Variants in DCDC1 observed in about 807,000 individuals in gnomAD.
DCDC1 encodes the protein doublecortin domain-containing protein 1.
DCDC1 carries 200 observed loss-of-function variants against 178.3 expected under a neutral mutation model. That is an observed-to-expected ratio of 1.12 (90% CI 1.00 to 1.26). The LOEUF (loss-of-function observed/expected upper bound fraction) is 1.26, where lower values mean the gene tolerates loss of function less well. Ranked by LOEUF, DCDC1 falls within the 50% of genes most tolerant of loss-of-function variation. The pLI is 0.00. For synonymous variants in DCDC1, 690 were observed against 604.8 expected, an observed-to-expected ratio of 1.14 and a Z score of -2.07; for missense variants, 1,983 against 1,749.2, an observed-to-expected ratio of 1.13 and a Z score of -2.38.
intron 23 of DCDC1, among the ~76,000 whole-genome samples, chr11:30,923,819 G>T (rs2134261747): frequency 6.6e-6 from 1 of 152,032 alleles, no homozygotes; most frequent in Admixed American, 6.6e-5. Context: ...GTTTCGCCAC[G>T]TTGCTCAGGG....
chr11:30,994,419 G>A (rs1195898213), intron 20 of DCDC1, among the ~76,000 whole-genome samples: 1 of 151,380 alleles, frequency 6.6e-6, no homozygotes, highest in Non-Finnish European at 1.5e-5. Context: ...AGCCTCCCAA[G>A]TAGTTGAAAC....
At chr11:31,175,138 T>C (rs1967813517) in intron 9 of DCDC1, among the ~76,000 whole-genome samples, 1 of 152,212 alleles carries the variant, frequency 6.6e-6, no homozygotes, top group Non-Finnish European at 1.5e-5. Context: ...CACAGTGGTG[T>C]CTGGCATCTC....
At chr11:31,166,285 A>G (rs190554698) in intron 9 of DCDC1, among the ~76,000 whole-genome samples, 12 of 152,296 alleles carry the variant, frequency 7.9e-5, no homozygotes, top group African/African-American at 2.9e-4. Flanking sequence ...TGAAATTGTA[A>G]GGAAAGCTAT....
At chr11:31,366,717 T>G (rs1232342717) in intron 1 of DCDC1, among the ~76,000 whole-genome samples, 1 of 152,194 alleles carries the variant, frequency 6.6e-6, no homozygotes, top group Non-Finnish European at 1.5e-5. Context: ...AGACAATGAT[T>G]ATTGTCAAAG....
At chr11:31,206,447 A>G (rs1391866944) in intron 9 of DCDC1, among the ~76,000 whole-genome samples, 2 of 152,068 alleles carry the variant, frequency 1.3e-5, no homozygotes, top group African/African-American at 4.8e-5. Context: ...GGAGTCTCGC[A>G]CTGTTGCCCA....
At chr11:30,882,785 A>C (rs1942804967) in intron 36 of DCDC1, 1 of 152,212 alleles carries the variant, frequency 6.6e-6, no homozygotes, top group South Asian at 2.1e-4. Flanking sequence ...ACAACATAAA[A>C]AAAGGGTACA....
chr11:31,181,184 GAC>G (rs1203444258), intron 9 of DCDC1, among the ~76,000 whole-genome samples: 1 of 152,190 alleles, frequency 6.6e-6, no homozygotes, highest in African/African-American at 2.4e-5. Context: ...CTCTGGGCAG[GAC>G]ATATCTGAAA....
chr11:31,321,515 G>C (rs1482918032), intron 3 of DCDC1, among the ~76,000 whole-genome samples: 2 of 152,220 alleles, frequency 1.3e-5, no homozygotes, highest in South Asian at 2.1e-4. Flanking sequence ...GCTTCGGCTC[G>C]CGCACGGTGC....
chr11:31,237,747 G>C (rs985231361), intron 9 of DCDC1, among the ~76,000 whole-genome samples: 13 of 152,054 alleles, frequency 8.5e-5, no homozygotes, highest in African/African-American at 2.9e-4. Context: ...AAATATTGGA[G>C]AATACTTTGG....
intron 10 of DCDC1, 56 bp from the exon 11 acceptor site, chr11:31,127,695 C>T: frequency 1.5e-6 from 1 of 673,316 alleles, no homozygotes; most frequent in Non-Finnish European, 2.7e-6. Flanking sequence ...GATGTCACAC[C>T]TATTAGATTT....
chr11:31,165,342 T>C (rs77378903), intron 9 of DCDC1, among the ~76,000 whole-genome samples: 1 of 152,198 alleles, frequency 6.6e-6, no homozygotes. Flanking sequence ...CTTTTTTTTT[T>C]CTTAAAGAGA....
At chr11:30,876,253 C>T (rs1435324254) in intron 38 of DCDC1, among the ~76,000 whole-genome samples, 3 of 152,142 alleles carry the variant, frequency 2.0e-5, no homozygotes, top group African/African-American at 4.8e-5. Flanking sequence ...ATTTGATAAA[C>T]ATGTTCCCAA....
chr11:31,035,388 T>C (rs1242284999), intron 20 of DCDC1, among the ~76,000 whole-genome samples: 1 of 152,238 alleles, frequency 6.6e-6, no homozygotes, highest in Non-Finnish European at 1.5e-5. Context: ...CACGTCTCCT[T>C]AGTCTCCTCT....
rs1308213058 is a variant in DCDC1 at position 30,909,182 on chromosome 11, A to C, written c.3748-66T>G. 2.2e-6 allele frequency: 3 copies of C among 1,382,502 alleles called. No individual in the cohort carries two copies. The Admixed American group carries it at 6.8e-5, about 31-fold the overall frequency. 85.6% of individuals were successfully genotyped at this position (1,382,502 alleles called of 1,614,324 possible). ...TGAGGGTTATAGTGTCTTGTTTTTC[A>C]TTGCATATATCCAGAAAGTGCAGAT... On this transcript the variant is annotated intron_variant, in intron 28 of 38. Transcript: ENST00000684477.
intron 20 of DCDC1, among the ~76,000 whole-genome samples, chr11:31,009,888 C>T (rs1429264237): frequency 6.6e-6 from 1 of 152,162 alleles, no homozygotes; most frequent in Non-Finnish European, 1.5e-5. Flanking sequence ...GCACCTTCTT[C>T]ACAAGGCGGC....
At chr11:31,206,064 T>C (rs1251606431) in intron 9 of DCDC1, among the ~76,000 whole-genome samples, 1 of 152,196 alleles carries the variant, frequency 6.6e-6, no homozygotes, top group Non-Finnish European at 1.5e-5. Context: ...GAGTTTTAGA[T>C]GACTTTAACA....
At chr11:31,152,785 CA>C (rs1965305617) in intron 9 of DCDC1, among the ~76,000 whole-genome samples, 1 of 152,180 alleles carries the variant, frequency 6.6e-6, no homozygotes, top group Non-Finnish European at 1.5e-5. Context: ...TGAGAGACAA[CA>C]ATCATGGCAA....
At chr11:31,223,854 C>T (rs1974577807) in intron 9 of DCDC1, among the ~76,000 whole-genome samples, 1 of 152,004 alleles carries the variant, frequency 6.6e-6, no homozygotes, top group African/African-American at 2.4e-5. Context: ...TACACATATG[C>T]ATATATACAT....
At chr11:31,292,700 C>T (rs752281804) in intron 6 of DCDC1, among the ~76,000 whole-genome samples, 1 of 151,988 alleles carries the variant, frequency 6.6e-6, no homozygotes, top group African/African-American at 2.4e-5. Flanking sequence ...ATGTTAGTTA[C>T]ACAACAGTGT....
Sources: gnomAD v4.1 joint callset for allele counts (sites outside exome capture counted in the v4.1 genomes callset) on GRCh38, gnomAD v4.1.1 for gene constraint, MANE v1.5 for transcripts, NCBI Gene and HGNC (gene_info 2026-07-23, HGNC 2026-07-21) for gene names.